ROR2: variants seen among roughly 807,000 people sequenced by gnomAD.
ROR2 encodes the protein ROR family WNT receptor 2, also known as tyrosine-protein kinase transmembrane receptor ROR2.
In ROR2, 33 loss-of-function variants were observed where a neutral mutation model predicts 74.9. The ratio of observed to expected loss-of-function variants is 0.44; its 90% CI spans 0.33 to 0.59. ROR2 has a LOEUF of 0.59. ROR2 is among the 20% of genes least tolerant of loss of function. ROR2 has a pLI of 0.02. For synonymous variants in ROR2, 586 were observed against 558.7 expected, an observed-to-expected ratio of 1.05 and a Z score of -0.69; for missense variants, 1,216 against 1,313.8, an observed-to-expected ratio of 0.93 and a Z score of 1.15.
At chr9:91,949,167 C>G (rs1223699101) in intron 1 of ROR2, among the ~76,000 whole-genome samples, 2 of 151,610 alleles carry the variant, frequency 1.3e-5, no homozygotes, top group African/African-American at 4.8e-5. Flanking sequence ...GCTCAGGGAC[C>G]CGCGATCCCA....
At chr9:91,846,219 C>A (rs117670467) in intron 1 of ROR2, among the ~76,000 whole-genome samples, 33 of 152,200 alleles carry the variant, frequency 2.2e-4, no homozygotes, top group African/African-American at 7.7e-4. Flanking sequence ...TGGACTGAGG[C>A]GTGTCCCCAC....
chr9:91,734,926 T>C (rs1351933232), intron 5 of ROR2, among the ~76,000 whole-genome samples: 2 of 152,130 alleles, frequency 1.3e-5, no homozygotes, highest in Admixed American at 6.5e-5. Flanking sequence ...GCAGTTACAG[T>C]ACAGGATGTC....
intron 1 of ROR2, among the ~76,000 whole-genome samples, chr9:91,937,056 A>G (rs1020217002): frequency 4.1e-5 from 6 of 146,952 alleles, no homozygotes; most frequent in Admixed American, 2.0e-4. Flanking sequence ...AAGATTTCCC[A>G]TCTTCTACTT....
At position 91,861,214 on chromosome 9, in the gene ROR2, C is replaced by T. The variant is rs183929319; in HGVS notation, c.98-85396G>A. Among the ~76,000 whole-genome samples, 1,113 of 151,896 alleles carry T rather than the reference C, an allele frequency of 7.3e-3. 12 individuals are homozygous for T. The highest frequency in any genetic ancestry group is 0.025 in the African/African-American group (1,038 of 41,250). ...AATTTTTCTATAGATTGAACACAAC[C>T]CCAACCAAAATCCTCACCTATTTTT... On this transcript the variant is annotated intron_variant, in intron 1 of 8. Coordinates refer to ENST00000375708, the MANE Select transcript of ROR2 (RefSeq NM_004560.4).
chr9:91,892,951 T>G (rs1409740253), intron 1 of ROR2, among the ~76,000 whole-genome samples: 1 of 152,126 alleles, frequency 6.6e-6, no homozygotes, highest in Non-Finnish European at 1.5e-5. Flanking sequence ...ATAAAGTACA[T>G]TGATGAATTT....
chr9:91,877,520 C>T (rs968524170), intron 1 of ROR2, among the ~76,000 whole-genome samples: 22 of 152,104 alleles, frequency 1.4e-4, no homozygotes, highest in African/African-American at 4.6e-4. Flanking sequence ...AGATAGATAC[C>T]TATACAGGGG....
chr9:91,883,544 A>G (rs149333261), intron 1 of ROR2, among the ~76,000 whole-genome samples: 93 of 152,324 alleles, frequency 6.1e-4, no homozygotes, highest in African/African-American at 2.1e-3. Flanking sequence ...CACACTAATC[A>G]TATTTCCAGT....
intron 1 of ROR2, among the ~76,000 whole-genome samples, chr9:91,830,694 T>C (rs1828437222): frequency 2.0e-5 from 1 of 49,278 alleles, no homozygotes; most frequent in Admixed American, 3.0e-4. Context: ...ATTAAAAAGA[T>C]AAGAAAGAAT....
At chr9:91,769,294 T>C (rs1388561816) in intron 2 of ROR2, among the ~76,000 whole-genome samples, 1 of 152,130 alleles carries the variant, frequency 6.6e-6, no homozygotes, top group Non-Finnish European at 1.5e-5. Flanking sequence ...GCCTCCCGTG[T>C]CCTCGTAAAA....
At chr9:91,845,052 T>A (rs7019203) in intron 1 of ROR2, among the ~76,000 whole-genome samples, 2,227 of 152,266 alleles carry the variant, frequency 0.015, 60 homozygotes, top group African/African-American at 0.051. Context: ...AAAGTTACGG[T>A]GGCCTGTAAG....
chr9:91,850,462 C>A (rs1829055239), intron 1 of ROR2, among the ~76,000 whole-genome samples: 1 of 152,098 alleles, frequency 6.6e-6, no homozygotes, highest in Non-Finnish European at 1.5e-5. Context: ...CCTTCAGGAC[C>A]ACAAGAAAAG....
At chr9:91,839,794 G>A (rs941177754) in intron 1 of ROR2, among the ~76,000 whole-genome samples, 4 of 151,712 alleles carry the variant, frequency 2.6e-5, no homozygotes, top group Non-Finnish European at 5.9e-5. Context: ...GATGTGTCCC[G>A]GGGGAGCCTC....
chr9:91,873,762 T>C (rs1161990555), intron 1 of ROR2, among the ~76,000 whole-genome samples: 1 of 152,184 alleles, frequency 6.6e-6, no homozygotes, highest in Admixed American at 6.5e-5. Context: ...TTGACAGCAC[T>C]GTAATTTATC....
intron 1 of ROR2, among the ~76,000 whole-genome samples, chr9:91,827,230 T>G (rs1828323835): frequency 6.6e-6 from 1 of 152,222 alleles, no homozygotes; most frequent in Non-Finnish European, 1.5e-5. Flanking sequence ...GAGCTTAGCT[T>G]AGTTGACTAA....
At chr9:91,940,072 C>T (rs2118042667) in intron 1 of ROR2, among the ~76,000 whole-genome samples, 1 of 152,326 alleles carries the variant, frequency 6.6e-6, no homozygotes, top group East Asian at 1.9e-4. Flanking sequence ...GGAAGCAACA[C>T]CTTCCAGAAT....
intron 1 of ROR2, among the ~76,000 whole-genome samples, chr9:91,912,391 C>T (rs1383697914): frequency 6.6e-6 from 1 of 151,986 alleles, no homozygotes; most frequent in Non-Finnish European, 1.5e-5. Context: ...GTAATGTTTC[C>T]CACAAAAAGA....
At chr9:91,847,462 C>A (rs1404003743) in intron 1 of ROR2, among the ~76,000 whole-genome samples, 1 of 152,234 alleles carries the variant, frequency 6.6e-6, no homozygotes, top group Non-Finnish European at 1.5e-5. Flanking sequence ...GCATACCACA[C>A]ATATACTCCC....
intron 1 of ROR2, among the ~76,000 whole-genome samples, chr9:91,947,132 C>G (rs1832032256): frequency 6.6e-6 from 1 of 152,222 alleles, no homozygotes; most frequent in African/African-American, 2.4e-5. Context: ...CCTTAAAAAT[C>G]TGCAGAGCAG....
rs551709923 is a variant in ROR2, at chr9:91,887,939, G to A, written c.97+61928C>T. 1.3e-3 allele frequency among the ~76,000 whole-genome samples: 195 copies of A among 151,856 alleles called. 1 individual carries two copies. Among genetic ancestry groups the A allele is most frequent in the Admixed American group, 2.7e-3 (41 of 15,254 alleles). ...CCTGCGTAGCTGGGATTACAGGCAC[G>A]AGCCACCACTCCCAGCTAATTTTTG... On this transcript the variant is annotated intron_variant, in intron 1 of 8. Coordinates refer to ENST00000375708, the MANE Select transcript of ROR2 (RefSeq NM_004560.4).
Sources: gnomAD v4.1 joint callset for allele counts (sites outside exome capture counted in the v4.1 genomes callset) on GRCh38, gnomAD v4.1.1 for gene constraint, MANE v1.5 for transcripts, NCBI Gene and HGNC (gene_info 2026-07-23, HGNC 2026-07-21) for gene names.